Variants in MAGI1 observed in about 807,000 individuals in gnomAD.
MAGI1 encodes membrane associated guanylate kinase, WW and PDZ domain containing 1.
MAGI1 carries 58 observed loss-of-function variants against 139.9 expected under a neutral mutation model. The observed-to-expected ratio is 0.41, with a 90% CI of 0.34 to 0.52. The LOEUF (loss-of-function observed/expected upper bound fraction) is 0.52. Ranked by LOEUF, MAGI1 falls within the 20% of genes least tolerant of loss-of-function variation. The pLI, the probability that MAGI1 is intolerant of heterozygous loss-of-function variation, is 0.12. For missense variants in MAGI1, 1,874 were observed against 1,901.6 expected, an observed-to-expected ratio of 0.99 and a Z score of 0.27; for synonymous variants, 812 against 737.9, an observed-to-expected ratio of 1.10 and a Z score of -1.63.
At position 65,838,730 on chromosome 3, in the gene MAGI1, T is replaced by G. The variant is rs73136980; in HGVS notation, c.313+199266A>C. Among the ~76,000 whole-genome samples, 714 of 152,346 alleles carry G rather than the reference T, an allele frequency of 4.7e-3. 3 individuals carry two copies. Among genetic ancestry groups the G allele is most frequent in the Admixed American group, 7.8e-3 (120 of 15,298 alleles). On this transcript the variant is annotated intron_variant, in intron 1 of 22. Coordinates refer to ENST00000402939, the MANE Select transcript of MAGI1 (RefSeq NM_001033057.2). ...GTGTGGACATAAGTTTCCATTTCTC[T>G]AGGGTGAATGCCTAGGAATATGACT...
intron 3 of MAGI1, among the ~76,000 whole-genome samples, chr3:65,487,542 C>A (rs565993939): frequency 1.8e-4 from 28 of 152,262 alleles, no homozygotes; most frequent in African/African-American, 6.0e-4. Flanking sequence ...TCAGTTCTAT[C>A]ATCTGAAGAA....
intron 3 of MAGI1, among the ~76,000 whole-genome samples, chr3:65,490,837 C>A (rs1467095368): frequency 1.6e-5 from 1 of 60,782 alleles, no homozygotes; most frequent in Non-Finnish European, 2.9e-5. Context: ...GAGCGAGACT[C>A]TGTCTCAAAA....
intron 1 of MAGI1, among the ~76,000 whole-genome samples, chr3:65,880,804 TAAAGA>T (rs1394212666): frequency 6.6e-6 from 1 of 152,070 alleles, no homozygotes; most frequent in Non-Finnish European, 1.5e-5. Context: ...CCTCCTGAAT[TAAAGA>T]AAAGAGAAAG....
chr3:65,605,088 G>C (rs2082672541), intron 2 of MAGI1, among the ~76,000 whole-genome samples: 1 of 152,176 alleles, frequency 6.6e-6, no homozygotes, highest in African/African-American at 2.4e-5. Context: ...CTCTAACAAA[G>C]ATAAAGTTCC....
chr3:65,610,895 ATATACTATATAGTATATAGACACT>A (rs2083043268), intron 2 of MAGI1, among the ~76,000 whole-genome samples: 1 of 140,856 alleles, frequency 7.1e-6, no homozygotes, highest in Admixed American at 7.5e-5. Context: ...AGTAGATAGT[ATATACTATATAGTATATAGACACT>A]ATATAGTAGA....
intron 1 of MAGI1, among the ~76,000 whole-genome samples, chr3:65,749,516 C>T (rs991773077): frequency 6.6e-6 from 1 of 151,902 alleles, no homozygotes; most frequent in Non-Finnish European, 1.5e-5. Flanking sequence ...TTTGGGGACT[C>T]AAGGGGAAAG....
chr3:65,584,821 T>C (rs747817210), intron 2 of MAGI1, among the ~76,000 whole-genome samples: 6 of 152,256 alleles, frequency 3.9e-5, no homozygotes, highest in Non-Finnish European at 7.3e-5. Context: ...CATTTTTATC[T>C]CATTCATTTA....
At chr3:65,665,612 A>C (rs982130064) in intron 1 of MAGI1, among the ~76,000 whole-genome samples, 2 of 152,214 alleles carry the variant, frequency 1.3e-5, no homozygotes, top group Non-Finnish European at 2.9e-5. Context: ...GTTCACAGGA[A>C]CCTAATCCTG....
chr3:66,012,438 A>C (rs1204201488), intron 1 of MAGI1, among the ~76,000 whole-genome samples: 1 of 152,200 alleles, frequency 6.6e-6, no homozygotes, highest in East Asian at 1.9e-4. Context: ...TGAAACAAAA[A>C]AAAAATATTA....
At chr3:65,700,440 A>C (rs2089515941) in intron 1 of MAGI1, among the ~76,000 whole-genome samples, 1 of 151,298 alleles carries the variant, frequency 6.6e-6, no homozygotes, top group Non-Finnish European at 1.5e-5. Context: ...ACAGAGCGAG[A>C]CTCCATCTCA....
rs561976149 is a variant in MAGI1, at chr3:65,573,365, G to C, written c.430+48607C>G. 3.9e-5 allele frequency among the ~76,000 whole-genome samples: 6 copies of C among 151,998 alleles called. No homozygotes were observed. The East Asian group carries it at 1.2e-3, about 29-fold the overall frequency. On this transcript the variant is annotated intron_variant, in intron 2 of 22. Coordinates refer to ENST00000402939, the MANE Select transcript of MAGI1 (RefSeq NM_001033057.2). Reference sequence around the variant, plus strand: ...AAGCATAATACATCATGAGCAAATAGGGAAATAGAGTTTATCCCAGTCATG... The same window carrying C: ...AAGCATAATACATCATGAGCAAATACGGAAATAGAGTTTATCCCAGTCATG...
rs183270986 is a variant in MAGI1 at position 65,754,437 on chromosome 3, T to C, written c.314-132349A>G. On this transcript the variant is annotated intron_variant, in intron 1 of 22. Transcript: ENST00000402939. ...CTCATTTTATGCTCACTCACTTGTT[T>C]TGGTCCCCAGATTTCTGTGTGTAAT... Among the ~76,000 whole-genome samples the C allele has an allele frequency of 1.5e-3, 226 of 152,346 alleles. 2 individuals carry two copies. The highest frequency in any genetic ancestry group is 5.2e-3 in the African/African-American group (216 of 41,588).
At position 65,918,943 on chromosome 3, in the gene MAGI1, C is replaced by A. The variant is rs574825374; in HGVS notation, c.313+119053G>T. 4.0e-5 allele frequency among the ~76,000 whole-genome samples: 6 copies of A among 150,712 alleles called. No individual in the cohort carries two copies. In the South Asian group the frequency reaches 8.4e-4, roughly 21 times the overall value. ...ATAATCCTCATTTTCAAAAAAAAAA[C>A]AAACAAACAAAACAAAATGTAAACT... On this transcript the variant is annotated intron_variant, in intron 1 of 22. Transcript: ENST00000402939.
intron 1 of MAGI1, among the ~76,000 whole-genome samples, chr3:65,695,104 G>A (rs2089032483): frequency 6.6e-6 from 1 of 152,124 alleles, no homozygotes; most frequent in Non-Finnish European, 1.5e-5. Flanking sequence ...ATACACAAAT[G>A]CCATGTGAAA....
chr3:65,610,807 A>G (rs1440859014), intron 2 of MAGI1, among the ~76,000 whole-genome samples: 1 of 110,102 alleles, frequency 9.1e-6, no homozygotes, highest in African/African-American at 3.3e-5. Context: ...ATATATAGGT[A>G]TATATAGTAT....
intron 1 of MAGI1, among the ~76,000 whole-genome samples, chr3:65,890,289 CAG>C (rs1228934544): frequency 3.3e-5 from 5 of 152,184 alleles, no homozygotes; most frequent in Non-Finnish European, 5.9e-5. Context: ...GGCGTCAACC[CAG>C]GAGGCGGAGC....
intron 1 of MAGI1, among the ~76,000 whole-genome samples, chr3:65,932,177 G>A (rs72906995): frequency 1.1e-3 from 167 of 152,190 alleles, no homozygotes; most frequent in African/African-American, 3.9e-3. Flanking sequence ...CTTCTGATAC[G>A]ACTTGTAGAT....
chr3:65,759,065 C>CA (rs200497203), intron 1 of MAGI1, among the ~76,000 whole-genome samples: 925 of 73,056 alleles, frequency 0.013, 53 homozygotes, highest in East Asian at 0.055. Flanking sequence ...AGGCCCAGTG[C>CA]AAAAAAAAAA....
intron 2 of MAGI1, among the ~76,000 whole-genome samples, chr3:65,603,775 T>C (rs2082597688): frequency 6.6e-6 from 1 of 152,198 alleles, no homozygotes; most frequent in Admixed American, 6.5e-5. Context: ...AAGATCCAAG[T>C]GCTGGCAAGT....
Sources: allele counts gnomAD v4.1 joint callset (sites outside exome capture counted in the v4.1 genomes callset), GRCh38; gene constraint gnomAD v4.1.1; transcripts MANE v1.5; gene names NCBI Gene and HGNC (gene_info 2026-07-23, HGNC 2026-07-21).